The following ROBO1 variants were observed in gnomAD, a reference collection of about 807,000 sequenced individuals.
ROBO1 encodes the protein roundabout guidance receptor 1.
In ROBO1, 149 loss-of-function variants were observed where a neutral mutation model predicts 195.9. The ratio of observed to expected loss-of-function variants is 0.76; its 90% CI spans 0.67 to 0.87. The LOEUF is 0.87. ROBO1 is among the 40% of genes least tolerant of loss of function. The pLI, the probability that ROBO1 is intolerant of heterozygous loss-of-function variation, is 0.00. For synonymous variants in ROBO1, 816 were observed against 733.2 expected (o/e 1.11, Z -1.82); for missense variants, 1,933 against 2,068.3 (o/e 0.93, Z 1.27).
At chr3:79,387,734 T>C (rs1371861304) in intron 2 of ROBO1, among the ~76,000 whole-genome samples, 4 of 152,114 alleles carry the variant, frequency 2.6e-5, no homozygotes, top group Non-Finnish European at 5.9e-5. Flanking sequence ...AAAATAGTTG[T>C]TAAAGACTCT....
At chr3:79,320,484 T>A (rs903861208) in intron 2 of ROBO1, among the ~76,000 whole-genome samples, 1 of 152,172 alleles carries the variant, frequency 6.6e-6, no homozygotes, top group Non-Finnish European at 1.5e-5. Flanking sequence ...TGTACCATCA[T>A]GCCCAGCTAA....
chr3:79,414,404 G>A (rs1267203536), intron 2 of ROBO1, among the ~76,000 whole-genome samples: 4 of 151,976 alleles, frequency 2.6e-5, no homozygotes, highest in Admixed American at 6.6e-5. Flanking sequence ...AAATTTTACT[G>A]TTATGGATAT....
At chr3:78,851,376 C>T (rs559206646) in intron 4 of ROBO1, among the ~76,000 whole-genome samples, 4 of 152,236 alleles carry the variant, frequency 2.6e-5, no homozygotes, top group African/African-American at 7.2e-5. Flanking sequence ...TCTTAGTTTA[C>T]GTATGAATAC....
rs371635027 is a variant in ROBO1, at chr3:79,595,069, A to C, written c.-50-5108T>G. 4.7e-4 allele frequency among the ~76,000 whole-genome samples: 71 copies of C among 152,078 alleles called. No homozygotes were observed. In the East Asian group the frequency reaches 0.011, roughly 24 times the overall value. On this transcript the variant is annotated intron_variant, in intron 1 of 30. Coordinates refer to ENST00000464233, the MANE Select transcript of ROBO1 (RefSeq NM_002941.4). ...ATAGATCCTTTCCACAGAGGTCTTAATTTTAAAAACTAATATGTTCTATAC... is the reference window on the plus strand; with the variant it reads ...ATAGATCCTTTCCACAGAGGTCTTACTTTTAAAAACTAATATGTTCTATAC...
At chr3:78,837,457 C>A (rs761534605) in intron 4 of ROBO1, among the ~76,000 whole-genome samples, 1 of 151,976 alleles carries the variant, frequency 6.6e-6, no homozygotes, top group East Asian at 1.9e-4. Context: ...ATAGGTATTT[C>A]TATCTAGTAA....
chr3:79,455,303 T>C (rs1048588052), intron 2 of ROBO1, among the ~76,000 whole-genome samples: 7 of 152,126 alleles, frequency 4.6e-5, no homozygotes, highest in Admixed American at 1.3e-4. Context: ...TCTTTAGTTT[T>C]TGGTTAATAC....
At chr3:79,530,095 A>G (rs1029140986) in intron 2 of ROBO1, among the ~76,000 whole-genome samples, 3 of 152,344 alleles carry the variant, frequency 2.0e-5, no homozygotes, top group Admixed American at 6.5e-5. Flanking sequence ...TTGCTTTAAA[A>G]TAATAGCAAA....
intron 21 of ROBO1, among the ~76,000 whole-genome samples, chr3:78,644,218 T>C (rs1341990445): frequency 2.0e-5 from 3 of 152,116 alleles, no homozygotes; most frequent in South Asian, 2.1e-4. Context: ...CCTCATCCTA[T>C]TTTATTTTTT....
At chr3:78,957,385 G>A (rs983654298) in intron 3 of ROBO1, among the ~76,000 whole-genome samples, 12 of 151,042 alleles carry the variant, frequency 7.9e-5, no homozygotes, top group African/African-American at 2.7e-4. Context: ...AGTTATTAAA[G>A]TTTCAAAGTT....
At chr3:78,630,356 A>C (rs965873199) in intron 25 of ROBO1, among the ~76,000 whole-genome samples, 3 of 152,158 alleles carry the variant, frequency 2.0e-5, no homozygotes, top group Non-Finnish European at 4.4e-5. Flanking sequence ...TTATATAAGA[A>C]TTTTACTTAA....
chr3:78,938,585 C>A lies in ROBO1; in HGVS notation c.499+16G>T. ...GCCACTCCCTCTGCCAAACACAGAG[C>A]GCCCAGTTTACTTACTGGCTACTTC... On this transcript the variant is annotated intron_variant, in intron 4 of 30. Coordinates refer to ENST00000464233, the MANE Select transcript of ROBO1 (RefSeq NM_002941.4). 1.9e-6 allele frequency: 3 copies of A among 1,589,914 alleles called. No homozygotes were observed. Among genetic ancestry groups the A allele is most frequent in the East Asian group, 2.2e-5 (1 of 44,516 alleles).
intron 1 of ROBO1, among the ~76,000 whole-genome samples, chr3:79,657,698 C>T (rs1946209013): frequency 6.6e-6 from 1 of 152,006 alleles, no homozygotes; most frequent in South Asian, 2.1e-4. Flanking sequence ...GAAAATATAA[C>T]TGAGAGATAC....
chr3:79,089,936 T>G (rs894485948), intron 3 of ROBO1, among the ~76,000 whole-genome samples: 2 of 1,832 alleles, frequency 1.1e-3, no homozygotes, highest in Non-Finnish European at 0.038. Flanking sequence ...CCAGTTATTC[T>G]TTCTTTTTTT....
At chr3:78,810,093 G>A (rs542334939) in intron 4 of ROBO1, among the ~76,000 whole-genome samples, 29 of 152,132 alleles carry the variant, frequency 1.9e-4, no homozygotes, top group Admixed American at 5.9e-4. Flanking sequence ...AAATTTGGAC[G>A]CAAAAATGTA....
chr3:78,628,842 A>C (rs896171195), intron 25 of ROBO1, among the ~76,000 whole-genome samples: 3 of 152,048 alleles, frequency 2.0e-5, no homozygotes, highest in Non-Finnish European at 4.4e-5. Context: ...TCTGTCAATA[A>C]AAACTCTCTA....
chr3:78,711,215 C>G (rs563625213), intron 8 of ROBO1, among the ~76,000 whole-genome samples: 5 of 152,204 alleles, frequency 3.3e-5, no homozygotes, highest in African/African-American at 9.6e-5. Context: ...GAATTAAAAC[C>G]ACCAGAAGCT....
rs184200032 is a variant in ROBO1 at position 79,483,120 on chromosome 3, C to G, written c.88+106704G>C. ...ATATAAACTTCCACTTTGTTTGAACCAATATTTATTTTTTTATGTCATGGT... is the reference window on the plus strand; with the variant it reads ...ATATAAACTTCCACTTTGTTTGAACGAATATTTATTTTTTTATGTCATGGT... On this transcript the variant is annotated intron_variant, in intron 2 of 30. Coordinates refer to ENST00000464233, the MANE Select transcript of ROBO1 (RefSeq NM_002941.4). Among the ~76,000 whole-genome samples, 196 of 152,240 alleles carry G rather than the reference C, an allele frequency of 1.3e-3. 2 individuals are homozygous for G. The highest frequency in any genetic ancestry group is 4.5e-3 in the African/African-American group (185 of 41,556).
intron 3 of ROBO1, among the ~76,000 whole-genome samples, chr3:78,994,768 AC>A (rs531848007): frequency 9.1e-4 from 139 of 152,270 alleles, no homozygotes; most frequent in African/African-American, 3.2e-3. Context: ...TCACCTTTAA[AC>A]CTTAACCTGA....
intron 3 of ROBO1, among the ~76,000 whole-genome samples, chr3:78,973,578 T>TAC (rs1491297007): frequency 1.7e-5 from 1 of 58,428 alleles, no homozygotes; most frequent in South Asian, 4.1e-4. Flanking sequence ...TATGAAGCTA[T>TAC]ATATATATAT....
Sources: allele counts gnomAD v4.1 joint callset (sites outside exome capture counted in the v4.1 genomes callset), GRCh38; gene constraint gnomAD v4.1.1; transcripts MANE v1.5; gene names NCBI Gene and HGNC (gene_info 2026-07-23, HGNC 2026-07-21).